The following PTPRJ variants were observed in gnomAD, a reference collection of about 807,000 sequenced individuals.
The protein encoded by PTPRJ is receptor-type tyrosine-protein phosphatase eta.
PTPRJ carries 129 observed loss-of-function variants against 141.3 expected under a neutral mutation model. That is an observed-to-expected ratio of 0.91 (90% CI 0.79 to 1.06). The LOEUF is 1.06. PTPRJ is among the 50% of genes least tolerant of loss of function. The pLI is 0.00. For missense variants in PTPRJ, 1,601 were observed against 1,679.7 expected, an observed-to-expected ratio of 0.95 and a Z score of 0.82; for synonymous variants, 610 against 640.5, an observed-to-expected ratio of 0.95 and a Z score of 0.72.
chr11:47,986,447 C>T (rs887035402), intron 1 of PTPRJ, among the ~76,000 whole-genome samples: 1 of 152,210 alleles, frequency 6.6e-6, no homozygotes, highest in African/African-American at 2.4e-5. Context: ...AAGCAAGGCC[C>T]AACTGCTAGT....
chr11:48,055,982 C>T (rs939472710), intron 1 of PTPRJ, among the ~76,000 whole-genome samples: 3 of 152,220 alleles, frequency 2.0e-5, no homozygotes, highest in African/African-American at 7.2e-5. Context: ...GAAGCCGGAG[C>T]TGAATGTTGA....
At chr11:48,109,554 A>G (rs1856386372) in intron 1 of PTPRJ, among the ~76,000 whole-genome samples, 1 of 152,302 alleles carries the variant, frequency 6.6e-6, no homozygotes, top group South Asian at 2.1e-4. Context: ...GAATTTTTGT[A>G]CAATGAAAAT....
At chr11:48,095,932 C>T (rs1162574045) in intron 1 of PTPRJ, among the ~76,000 whole-genome samples, 2 of 152,242 alleles carry the variant, frequency 1.3e-5, no homozygotes, top group Non-Finnish European at 2.9e-5. Flanking sequence ...CTGCCACAGC[C>T]GTGGTTGGCC....
At chr11:48,045,393 G>C (rs1007905302) in intron 1 of PTPRJ, among the ~76,000 whole-genome samples, 1 of 152,174 alleles carries the variant, frequency 6.6e-6, no homozygotes, top group African/African-American at 2.4e-5. Flanking sequence ...GGCCCTGAGA[G>C]TGATCAGAGA....
chr11:47,981,257 G>A lies in PTPRJ; in HGVS notation c.96+249G>A, dbSNP rs570683704. Among the ~76,000 whole-genome samples the A allele has an allele frequency of 8.5e-5, 13 of 152,268 alleles. No individual in the cohort carries two copies. In the South Asian group the frequency reaches 2.5e-3, roughly 29 times the overall value. ...GGTGCCGCGGTGCCCGAGCCTCCCG[G>A]GGAAAGCCTCCGCGCGGGCTCCAGG... is the stretch of plus-strand genomic sequence containing the variant. On this transcript the variant is annotated intron_variant, in intron 1 of 24. Coordinates refer to ENST00000418331, the MANE Select transcript of PTPRJ (RefSeq NM_002843.4).
chr11:48,156,218 C>T (rs1857595748), intron 21 of PTPRJ, 99 bp downstream of exon 21: 3 of 1,055,288 alleles, frequency 2.8e-6, no homozygotes, highest in Admixed American at 2.8e-5. Flanking sequence ...TTTAAAAAAA[C>T]TCAAACATTA....
intron 1 of PTPRJ, among the ~76,000 whole-genome samples, chr11:48,047,729 A>G (rs1018064647): frequency 2.6e-5 from 4 of 152,042 alleles, no homozygotes; most frequent in East Asian, 1.9e-4. Flanking sequence ...AATCTCTGGT[A>G]ATTTTTAAAC....
intron 2 of PTPRJ, among the ~76,000 whole-genome samples, chr11:48,110,998 C>T (rs113006324): frequency 0.058 from 8,866 of 152,242 alleles, 303 homozygotes; most frequent in Middle Eastern, 0.1. Flanking sequence ...AATTGAAGGC[C>T]GGGCCTGGTG....
At chr11:48,156,355 T>G (rs1429485509) in intron 21 of PTPRJ, among the ~76,000 whole-genome samples, 1 of 152,188 alleles carries the variant, frequency 6.6e-6, no homozygotes, top group Non-Finnish European at 1.5e-5. Flanking sequence ...GTCTTCTGTT[T>G]ATTACGTTGC....
chr11:48,106,730 TTTTTTTTC>T (rs1482177992), intron 1 of PTPRJ, among the ~76,000 whole-genome samples: 4 of 151,476 alleles, frequency 2.6e-5, no homozygotes, highest in Non-Finnish European at 5.9e-5. Context: ...ACTTAGTTTC[TTTTTTTTC>T]TTCTTTTCTT....
chr11:48,070,623 A>T (rs1304399850), intron 1 of PTPRJ, among the ~76,000 whole-genome samples: 1 of 152,132 alleles, frequency 6.6e-6, no homozygotes, highest in East Asian at 1.9e-4. Context: ...CACTATTTAA[A>T]TTATTTTTAT....
At position 47,980,567 on chromosome 11, in the gene PTPRJ, C is replaced by G. The variant is rs1367235086; in HGVS notation, c.-346C>G. 2.4e-5 allele frequency: 24 copies of G among 982,834 alleles called. No individual in the cohort carries two copies. The highest frequency in any genetic ancestry group is 2.4e-5 in the Non-Finnish European group (20 of 828,958). 60.9% of individuals were successfully genotyped at this position (982,834 alleles called of 1,614,324 possible). The stretch of plus-strand genomic sequence containing the variant: ...CCGCGGCTCCCTGCAGCAGCCCCAG[C>G]CGCATGACGCGCGGAGGAGGCAGCG... On this transcript the variant is annotated 5_prime_UTR_variant, in exon 1 of 25. Transcript: ENST00000418331.
chr11:48,122,510 C>A (rs1044953266), intron 4 of PTPRJ, among the ~76,000 whole-genome samples: 2 of 152,150 alleles, frequency 1.3e-5, no homozygotes, highest in Admixed American at 6.5e-5. Flanking sequence ...CTCACAGTAA[C>A]CCTGGGGGCT....
intron 1 of PTPRJ, among the ~76,000 whole-genome samples, chr11:48,097,082 G>C (rs1157562371): frequency 6.6e-6 from 1 of 152,202 alleles, no homozygotes; most frequent in Admixed American, 6.5e-5. Context: ...TCAAGTGCTA[G>C]GCATGGGGTA....
chr11:48,069,611 G>A (rs986810977), intron 1 of PTPRJ, among the ~76,000 whole-genome samples: 4 of 151,532 alleles, frequency 2.6e-5, no homozygotes, highest in East Asian at 1.9e-4. Context: ...CACCACCCCC[G>A]GCTAATTTTT....
At chr11:48,028,147 C>G (rs1251480653) in intron 1 of PTPRJ, among the ~76,000 whole-genome samples, 1 of 152,176 alleles carries the variant, frequency 6.6e-6, no homozygotes, top group African/African-American at 2.4e-5. Context: ...ATAAGGCCGT[C>G]TTGGTTTGTT....
intron 1 of PTPRJ, among the ~76,000 whole-genome samples, chr11:48,059,750 A>T (rs1854868541): frequency 6.6e-6 from 1 of 152,160 alleles, no homozygotes; most frequent in African/African-American, 2.4e-5. Flanking sequence ...CAGCCGCCTG[A>T]TGAGGTAGCT....
intron 1 of PTPRJ, among the ~76,000 whole-genome samples, chr11:48,070,560 T>C (rs1418393311): frequency 6.6e-6 from 1 of 151,404 alleles, no homozygotes; most frequent in Non-Finnish European, 1.5e-5. Context: ...GATCAGTAGA[T>C]TTAGATCTCC....
chr11:48,165,138 T>G (rs1232576012), intron 24 of PTPRJ, among the ~76,000 whole-genome samples: 1 of 152,242 alleles, frequency 6.6e-6, no homozygotes, highest in East Asian at 1.9e-4. Flanking sequence ...GCTTCCAGGT[T>G]TTAAACTCAT....
Sources: gnomAD v4.1 joint callset for allele counts (sites outside exome capture counted in the v4.1 genomes callset) on GRCh38, gnomAD v4.1.1 for gene constraint, MANE v1.5 for transcripts, NCBI Gene and HGNC (gene_info 2026-07-23, HGNC 2026-07-21) for gene names.